Variants in TTC28 observed in about 807,000 individuals in gnomAD.
The protein encoded by TTC28 is tetratricopeptide repeat domain 28.
TTC28 carries 61 observed loss-of-function variants against 198.0 expected under a neutral mutation model. The observed-to-expected ratio is 0.31, with a 90% CI of 0.25 to 0.38. TTC28 has a LOEUF of 0.38. TTC28 is among the 10% of genes least tolerant of loss of function. The probability of loss-of-function intolerance (pLI) is 1.00; values close to 1 mark genes in which losing one functional copy is unlikely to be tolerated. For missense variants in TTC28, 2,678 were observed against 3,164.0 expected, an observed-to-expected ratio of 0.85 and a Z score of 3.69; for synonymous variants, 1,171 against 1,297.8, an observed-to-expected ratio of 0.90 and a Z score of 2.10.
At chr22:28,655,207 A>G (rs1296848929) in intron 1 of TTC28, among the ~76,000 whole-genome samples, 2 of 152,204 alleles carry the variant, frequency 1.3e-5, no homozygotes, top group Non-Finnish European at 2.9e-5. Context: ...ATAAAAGAAA[A>G]TAAACATGGT....
At chr22:28,173,219 A>G (rs1187554749) in intron 5 of TTC28, among the ~76,000 whole-genome samples, 1 of 152,172 alleles carries the variant, frequency 6.6e-6, no homozygotes, top group Non-Finnish European at 1.5e-5. Context: ...GTGAATCACA[A>G]ATTAATCACT....
chr22:28,094,798 A>T (rs2146859025), intron 11 of TTC28, among the ~76,000 whole-genome samples: 1 of 152,320 alleles, frequency 6.6e-6, no homozygotes, highest in South Asian at 2.1e-4. Context: ...GGAGCAAAAA[A>T]TGATGGGTGC....
chr22:28,221,913 A>T (rs1927900842), intron 5 of TTC28, among the ~76,000 whole-genome samples: 1 of 152,176 alleles, frequency 6.6e-6, no homozygotes, highest in African/African-American at 2.4e-5. Context: ...TATCCATTCA[A>T]CTTTGTATCC....
chr22:28,388,818 T>C (rs1190410948), intron 2 of TTC28, among the ~76,000 whole-genome samples: 2 of 152,192 alleles, frequency 1.3e-5, no homozygotes, highest in Non-Finnish European at 2.9e-5. Flanking sequence ...CTTTTCCTAA[T>C]TCAATACCCT....
At chr22:28,392,870 C>CCT (rs1491589278) in intron 2 of TTC28, among the ~76,000 whole-genome samples, 2 of 80,688 alleles carry the variant, frequency 2.5e-5, no homozygotes, top group African/African-American at 1.0e-4. Flanking sequence ...TTCCTCCCTC[C>CCT]TTTTTTTTTT....
intron 5 of TTC28, among the ~76,000 whole-genome samples, chr22:28,210,452 A>G (rs927623111): frequency 6.6e-6 from 1 of 152,170 alleles, no homozygotes; most frequent in Non-Finnish European, 1.5e-5. Flanking sequence ...AAATGACCTG[A>G]TGGAGCTGAA....
chr22:28,285,671 C>T (rs1265924556), intron 5 of TTC28, among the ~76,000 whole-genome samples: 3 of 152,088 alleles, frequency 2.0e-5, no homozygotes, highest in East Asian at 1.9e-4. Context: ...TTACATTGTA[C>T]ACCTTGAATA....
intron 1 of TTC28, among the ~76,000 whole-genome samples, chr22:28,645,649 T>G (rs1164647238): frequency 6.7e-6 from 1 of 150,210 alleles, no homozygotes; most frequent in Non-Finnish European, 1.5e-5. Context: ...AAAAAGATAA[T>G]TCGCCATGAT....
chr22:28,547,875 A>G (rs995419592), intron 2 of TTC28, among the ~76,000 whole-genome samples: 2 of 151,962 alleles, frequency 1.3e-5, no homozygotes, highest in African/African-American at 4.8e-5. Flanking sequence ...CTCGCTAAAG[A>G]TTAAATAATT....
At chr22:28,023,830 T>C (rs1284596740) in intron 13 of TTC28, among the ~76,000 whole-genome samples, 1 of 152,188 alleles carries the variant, frequency 6.6e-6, no homozygotes, top group Non-Finnish European at 1.5e-5. Flanking sequence ...CTCTGTCATT[T>C]TCTAGCTGTG....
rs997892930 is a variant in TTC28, at chr22:28,679,775, G to C, written c.-52C>G. On this transcript the variant is annotated 5_prime_UTR_variant, in exon 1 of 23. Transcript: ENST00000397906. The stretch of plus-strand genomic sequence containing the variant: ...CTCGAGCTAACGGTCCCGCCAGCTA[G>C]GCGCGCGCGCCGGTTCCGCGCGCCA... 1.9e-6 allele frequency: 2 copies of C among 1,027,172 alleles called. No homozygotes were observed. The highest frequency in any genetic ancestry group is 2.4e-6 in the Non-Finnish European group (2 of 818,844). 63.6% of individuals were successfully genotyped at this position (1,027,172 alleles called of 1,614,324 possible).
At chr22:28,098,855 G>T in intron 10 of TTC28, 60 bp downstream of exon 10, 19 of 1,519,082 alleles carry the variant, frequency 1.3e-5, no homozygotes, top group Non-Finnish European at 1.7e-5. Flanking sequence ...TGGACACATG[G>T]ACGCGCACCC....
rs961594043 is a variant in TTC28, at chr22:28,094,898, C to T, written c.3767-653G>A. Among the ~76,000 whole-genome samples the T allele has an allele frequency of 5.3e-5, 8 of 152,124 alleles. 1 individual carries two copies. The East Asian group carries it at 7.7e-4, about 15-fold the overall frequency. ...GAGGTGTGTCAGCTCTGGAAAACGC[C>T]GGTCCTCTCTGATTGGATTAGCGCC... On this transcript the variant is annotated intron_variant, in intron 11 of 22. Coordinates refer to ENST00000397906, the MANE Select transcript of TTC28 (RefSeq NM_001145418.2).
chr22:28,192,593 T>C (rs1053875018), intron 5 of TTC28, among the ~76,000 whole-genome samples: 1 of 152,126 alleles, frequency 6.6e-6, no homozygotes, highest in African/African-American at 2.4e-5. Flanking sequence ...AGAGAAGACC[T>C]TAAATGACCT....
At chr22:28,505,957 T>C (rs2048607002) in intron 2 of TTC28, among the ~76,000 whole-genome samples, 1 of 152,234 alleles carries the variant, frequency 6.6e-6, no homozygotes, top group Non-Finnish European at 1.5e-5. Context: ...TCCAGCCGGC[T>C]GGCTTTGGAG....
rs1389688617 is a variant in TTC28 at position 27,982,201 on chromosome 22, C to T, written c.*20G>A. ...CCCCCATCTGCAGGCTGCTCAGAGT[C>T]AGTGGGTATAAAAGATGCTTTAGCA... is the stretch of plus-strand genomic sequence containing the variant. On this transcript the variant is annotated 3_prime_UTR_variant, in exon 23 of 23. Coordinates refer to ENST00000397906, the MANE Select transcript of TTC28 (RefSeq NM_001145418.2). The surrounding 1 kb of genome is among the most constrained non-coding windows in gnomAD (Gnocchi z 5.2). 6.9e-7 allele frequency: 1 copy of T among 1,459,306 alleles called. No individual in the cohort carries two copies. The highest frequency in any genetic ancestry group is 2.5e-5 in the East Asian group (1 of 40,204). The allele number at this position is 1,459,306 out of a possible 1,614,324, so 90.4% of individuals were successfully genotyped here.
chr22:28,670,550 A>C (rs2145708505), intron 1 of TTC28, among the ~76,000 whole-genome samples: 1 of 152,192 alleles, frequency 6.6e-6, no homozygotes, highest in South Asian at 2.1e-4. Flanking sequence ...CACTGGAAAT[A>C]ATACTCCACT....
At chr22:28,477,260 T>C (rs970271979) in intron 2 of TTC28, among the ~76,000 whole-genome samples, 1 of 152,170 alleles carries the variant, frequency 6.6e-6, no homozygotes, top group African/African-American at 2.4e-5. Context: ...ATAATTCAGA[T>C]TTATCAAAAA....
intron 5 of TTC28, among the ~76,000 whole-genome samples, chr22:28,295,020 TC>T (rs2044866153): frequency 6.6e-6 from 1 of 152,188 alleles, no homozygotes; most frequent in African/African-American, 2.4e-5. Flanking sequence ...TCCCTGAACA[TC>T]AAGAAATCAG....
Sources: allele counts gnomAD v4.1 joint callset (sites outside exome capture counted in the v4.1 genomes callset), GRCh38; gene constraint gnomAD v4.1.1; non-coding constraint Gnocchi (gnomAD v3.1); transcripts MANE v1.5; gene names NCBI Gene and HGNC (gene_info 2026-07-23, HGNC 2026-07-21).